EYS: variants seen among roughly 807,000 people sequenced by gnomAD.
EYS encodes protein eyes shut homolog.
In EYS, 250 loss-of-function variants were observed where a neutral mutation model predicts 282.1. That is an observed-to-expected ratio of 0.89 (90% CI 0.80 to 0.98). The LOEUF (loss-of-function observed/expected upper bound fraction) is 0.98, where lower values mean the gene tolerates loss of function less well. Among genes scored for constraint, EYS ranks in the 50% least tolerant of loss-of-function variants. The pLI, the probability that EYS is intolerant of heterozygous loss-of-function variation, is 0.00. For synonymous variants in EYS, 1,355 were observed against 1,282.9 expected (o/e 1.06, Z -1.20); for missense variants, 4,016 against 3,709.0 (o/e 1.08, Z -2.15).
intron 28 of EYS, among the ~76,000 whole-genome samples, chr6:64,407,808 T>C (rs998588336): frequency 6.6e-6 from 1 of 152,138 alleles, no homozygotes; most frequent in Non-Finnish European, 1.5e-5. Flanking sequence ...CTTGGCTCAC[T>C]GCAACCTCCG....
chr6:65,138,606 T>C (rs1456787308), intron 12 of EYS, among the ~76,000 whole-genome samples: 1 of 151,982 alleles, frequency 6.6e-6, no homozygotes, highest in Non-Finnish European at 1.5e-5. Flanking sequence ...AGAAATAACA[T>C]ATTGGTGAGC....
At position 63,762,594 on chromosome 6, in the gene EYS, T is replaced by C. The variant is rs2149655866; in HGVS notation, c.7938A>G (p.Thr2646=). Residue 2646 remains threonine (T), a synonymous_variant, in exon 41 of 43, where the codon ACA becomes ACG. Transcript: ENST00000503581. ...CTTGWKGSFC[T]ETVSTCDPEH... is the part of the protein sequence containing the mutation. ...CAGGATCACAGGTAGAAACTGTCTCTGTGCAGAATGATCCTTTCCACCCAG... is the reference window on the plus strand; with the variant it reads ...CAGGATCACAGGTAGAAACTGTCTCCGTGCAGAATGATCCTTTCCACCCAG... 6.5e-7 allele frequency: 1 copy of C among 1,550,348 alleles called. No homozygotes were observed. The highest frequency in any genetic ancestry group is 8.7e-7 in the Non-Finnish European group (1 of 1,146,042).
At chr6:63,837,240 C>T (rs1410969696) in intron 36 of EYS, among the ~76,000 whole-genome samples, 2 of 152,080 alleles carry the variant, frequency 1.3e-5, no homozygotes, top group African/African-American at 2.4e-5. Context: ...TACTCATAGG[C>T]TATCCTTCTA....
intron 8 of EYS, among the ~76,000 whole-genome samples, chr6:65,380,598 A>G (rs1765572798): frequency 6.6e-6 from 1 of 152,164 alleles, no homozygotes; most frequent in Admixed American, 6.6e-5. Context: ...AAGCAATTGC[A>G]ACAAAAGCCA....
intron 28 of EYS, among the ~76,000 whole-genome samples, chr6:64,405,770 A>AG (rs1773687381): frequency 6.6e-6 from 1 of 152,202 alleles, no homozygotes; most frequent in Non-Finnish European, 1.5e-5. Flanking sequence ...CAAACTTACA[A>AG]GGATGGGAAG....
Position 65,335,089 on chromosome 6 carries a change from G to A in EYS, c.1657C>T (p.Leu553=). Residue 553 remains leucine, a synonymous_variant, in exon 11 of 43, where the codon CTA becomes TTA. Transcript: ENST00000503581. ...TTGCCAGCCCATCTGAGAAAACATA[G>A]ATACCGATATTCCTGACTGTCTTCT... ...SEEDSQEYRY[L]CFLRWAGNMY... 2 of 1,612,052 alleles carry A rather than the reference G, an allele frequency of 1.2e-6. No individual in the cohort carries two copies. The highest frequency in any genetic ancestry group is 1.7e-6 in the Non-Finnish European group (2 of 1,178,912).
chr6:65,344,178 CT>C lies in EYS; in HGVS notation c.1460-2del. On this transcript the variant is annotated splice_acceptor_variant, in intron 9 of 42. Coordinates refer to ENST00000503581, the MANE Select transcript of EYS (RefSeq NM_001142800.2). LOFTEE classifies it high-confidence loss of function. The stretch of plus-strand genomic sequence containing the variant: ...CCTTGGCACTTTTCGCCTTCAGATC[CT>C]TTAAAAAAAAAGAGATAAAAAATTA... The C allele has an allele frequency of 1.2e-6, 2 of 1,604,830 alleles. No individual in the cohort carries two copies. The highest frequency in any genetic ancestry group is 1.7e-6 in the Non-Finnish European group (2 of 1,173,792).
chr6:63,937,460 A>C (rs1449576024), intron 35 of EYS, among the ~76,000 whole-genome samples: 1 of 134,390 alleles, frequency 7.4e-6, no homozygotes, highest in Admixed American at 8.4e-5. Context: ...GGCTCACTAC[A>C]ATCTCCGCCT....
intron 12 of EYS, among the ~76,000 whole-genome samples, chr6:65,089,171 C>A (rs1774476144): frequency 6.6e-6 from 1 of 152,146 alleles, no homozygotes; most frequent in Admixed American, 6.5e-5. Flanking sequence ...CCCACTGTGG[C>A]ACTGCCTAGT....
At chr6:63,727,089 CTA>C (rs1491191125) in intron 41 of EYS, among the ~76,000 whole-genome samples, 1 of 151,842 alleles carries the variant, frequency 6.6e-6, no homozygotes, top group Non-Finnish European at 1.5e-5. Flanking sequence ...TCTTCAGCCT[CTA>C]TATTTCTGAT....
intron 11 of EYS, among the ~76,000 whole-genome samples, chr6:65,297,285 T>C (rs190449649): frequency 1.1e-4 from 16 of 152,042 alleles, no homozygotes; most frequent in Admixed American, 9.2e-4. Context: ...TATAAATATG[T>C]CAATGGGCTG....
At chr6:63,849,922 A>G (rs185046194) in intron 36 of EYS, among the ~76,000 whole-genome samples, 1 of 152,310 alleles carries the variant, frequency 6.6e-6, no homozygotes, top group East Asian at 1.9e-4. Context: ...GAAGCTAAGA[A>G]CCTTGATAAA....
chr6:65,516,151 A>T (rs1767126202), intron 2 of EYS, among the ~76,000 whole-genome samples: 1 of 152,104 alleles, frequency 6.6e-6, no homozygotes, highest in African/African-American at 2.4e-5. Flanking sequence ...AAAAGAGAAC[A>T]TATATATTAA....
chr6:63,842,551 G>A (rs973203010), intron 36 of EYS, among the ~76,000 whole-genome samples: 1 of 152,130 alleles, frequency 6.6e-6, no homozygotes, highest in South Asian at 2.1e-4. Context: ...CTCCCATTCT[G>A]TATGTTGCCT....
In EYS at chr6:63,942,722, A is replaced by G. The variant is rs115079747; in HGVS notation, c.7055+41661T>C. On this transcript the variant is annotated intron_variant, in intron 35 of 42. Transcript: ENST00000503581. ...AGAAACATTTTTAGAGAAATAAAAAAAACATCAGACAGAAATTATGACATA... is the reference window on the plus strand; with the variant it reads ...AGAAACATTTTTAGAGAAATAAAAAGAACATCAGACAGAAATTATGACATA... Among the ~76,000 whole-genome samples the G allele has an allele frequency of 9.2e-3, 1,402 of 152,324 alleles. 25 individuals are homozygous for G. Among genetic ancestry groups the G allele is most frequent in the African/African-American group, 0.032 (1,347 of 41,574 alleles).
rs181333726 is a variant in EYS, at chr6:65,689,776, G to T, written c.-448+17359C>A. The stretch of plus-strand genomic sequence containing the variant: ...ACATAGGTATACATGTGCCATGGTG[G>T]TTTGCTGCACCCCTCAACCCAACAT... On this transcript the variant is annotated intron_variant, in intron 1 of 42. Coordinates refer to ENST00000503581, the MANE Select transcript of EYS (RefSeq NM_001142800.2). Among the ~76,000 whole-genome samples, 378 of 149,908 alleles carry T rather than the reference G, an allele frequency of 2.5e-3. 25 individuals carry two copies. Among genetic ancestry groups the T allele is most frequent in the Admixed American group, 0.023 (343 of 14,870 alleles).
chr6:65,210,005 T>C (rs1437783840), intron 12 of EYS, among the ~76,000 whole-genome samples: 3 of 151,940 alleles, frequency 2.0e-5, no homozygotes, highest in Admixed American at 6.6e-5. Flanking sequence ...AATGAAAACA[T>C]GTAGAGCATT....
intron 11 of EYS, among the ~76,000 whole-genome samples, chr6:65,334,034 T>C (rs1769891507): frequency 6.6e-6 from 1 of 151,746 alleles, no homozygotes; most frequent in African/African-American, 2.4e-5. Context: ...AGATCATATA[T>C]AGTTGACTAA....
At chr6:64,139,595 T>C (rs1034306563) in intron 31 of EYS, among the ~76,000 whole-genome samples, 1 of 152,170 alleles carries the variant, frequency 6.6e-6, no homozygotes, top group African/African-American at 2.4e-5. Context: ...TCTAATGTGC[T>C]AGAAAGGTTA....
Sources: allele counts gnomAD v4.1 joint callset (sites outside exome capture counted in the v4.1 genomes callset), GRCh38; gene constraint gnomAD v4.1.1; transcripts MANE v1.5; gene names NCBI Gene and HGNC (gene_info 2026-07-23, HGNC 2026-07-21).